NFIB: variants seen among roughly 807,000 people sequenced by gnomAD.
NFIB encodes the protein nuclear factor 1 B-type.
In NFIB, 11 loss-of-function variants were observed where a neutral mutation model predicts 61.5. The ratio of observed to expected loss-of-function variants is 0.18; its 90% CI spans 0.11 to 0.30. The LOEUF is 0.30. NFIB is among the 10% of genes least tolerant of loss of function. The probability of loss-of-function intolerance (pLI) is 1.00; values close to 1 mark genes in which losing one functional copy is unlikely to be tolerated. For synonymous variants in NFIB, 260 were observed against 216.5 expected, an observed-to-expected ratio of 1.20 and a Z score of -1.76; for missense variants, 471 against 608.9, an observed-to-expected ratio of 0.77 and a Z score of 2.38.
chr9:14,315,732 G>T (rs1220123612), upstream of NFIB, among the ~76,000 whole-genome samples: 1 of 151,304 alleles, frequency 6.6e-6, no homozygotes, highest in African/African-American at 2.4e-5. Flanking sequence ...CACCCTTTCT[G>T]CACCCCCCGC....
At chr9:14,152,119 T>C (rs917411727) in intron 4 of NFIB, among the ~76,000 whole-genome samples, 3 of 152,014 alleles carry the variant, frequency 2.0e-5, no homozygotes, top group African/African-American at 4.8e-5. Flanking sequence ...ACAATGAACA[T>C]CTCCCTTTCT....
intron 1 of NFIB, chr9:14,361,962 G>A (rs943317482): frequency 1.3e-5 from 2 of 152,152 alleles, no homozygotes; most frequent in African/African-American, 2.4e-5. Flanking sequence ...CCTTAAAGCT[G>A]AAACAAAACT....
At chr9:14,151,960 C>T (rs953712728) in intron 4 of NFIB, among the ~76,000 whole-genome samples, 14 of 152,062 alleles carry the variant, frequency 9.2e-5, no homozygotes, top group Middle Eastern at 3.4e-3. Flanking sequence ...AGTTTTCTTA[C>T]CCCTCATTTT....
intron 2 of NFIB, among the ~76,000 whole-genome samples, chr9:14,192,001 C>G (rs1298038322): frequency 6.6e-6 from 1 of 152,104 alleles, no homozygotes; most frequent in Non-Finnish European, 1.5e-5. Flanking sequence ...TGCTTGGTTA[C>G]AAGACCAGTT....
chr9:14,443,391 G>C, the NFIB span, among the ~76,000 whole-genome samples: 1 of 152,104 alleles, frequency 6.6e-6, no homozygotes, highest in African/African-American at 2.4e-5. Context: ...TTCACTGACT[G>C]TCTCATAGGC....
At chr9:14,486,712 C>T in the NFIB span, among the ~76,000 whole-genome samples, 1 of 151,916 alleles carries the variant, frequency 6.6e-6, no homozygotes, top group Non-Finnish European at 1.5e-5. Flanking sequence ...CACACACACA[C>T]ACATACACAC....
At position 14,088,148 on chromosome 9, in the gene NFIB, T is replaced by C. The variant is rs2033153256; in HGVS notation, c.*161A>G. 1.4e-6 allele frequency: 2 copies of C among 1,407,990 alleles called. No individual in the cohort carries two copies. Among genetic ancestry groups the C allele is most frequent in the East Asian group, 5.2e-5 (2 of 38,306 alleles). The allele number at this position is 1,407,990 out of a possible 1,614,324, so 87.2% of individuals were successfully genotyped here. A position where few individuals can be genotyped will look rare whatever the true frequency, so the allele number is the denominator to read the frequency against. ...TCCAGTCTTCCTCTTTTCCTTTTTTTTTATTTAAAAAAAAAATTTCTTAAA... is the reference window on the plus strand; with the variant it reads ...TCCAGTCTTCCTCTTTTCCTTTTTTCTTATTTAAAAAAAAAATTTCTTAAA... On this transcript the variant is annotated 3_prime_UTR_variant, in exon 11 of 11. Coordinates refer to ENST00000380953, the MANE Select transcript of NFIB (RefSeq NM_001190737.2).
chr9:14,314,576 C>T (rs2060450441), upstream of NFIB: 2 of 152,034 alleles, frequency 1.3e-5, no homozygotes, highest in African/African-American at 2.4e-5. Context: ...CTCTGGACCC[C>T]GCTCGAGCTC....
chr9:14,480,028 G>GT, the NFIB span, among the ~76,000 whole-genome samples: 11,689 of 151,086 alleles, frequency 0.077, 527 homozygotes, highest in Admixed American at 0.12. Context: ...AGACAGAAAG[G>GT]TTTTTTTTTG....
chr9:14,229,549 A>C (rs947534628), intron 2 of NFIB, among the ~76,000 whole-genome samples: 1 of 152,238 alleles, frequency 6.6e-6, no homozygotes. Context: ...ATGTATGTAA[A>C]GTTTGTGGCA....
At chr9:14,280,489 C>G (rs2058299605) in intron 2 of NFIB, among the ~76,000 whole-genome samples, 1 of 152,196 alleles carries the variant, frequency 6.6e-6, no homozygotes, top group Non-Finnish European at 1.5e-5. Context: ...TAACCCTACA[C>G]TCACACTTTA....
At chr9:14,272,705 A>AG (rs2057717262) in intron 2 of NFIB, among the ~76,000 whole-genome samples, 1 of 150,514 alleles carries the variant, frequency 6.6e-6, no homozygotes, top group Admixed American at 6.6e-5. Flanking sequence ...AAAAAAAAAA[A>AG]AAAAAAAAAA....
chr9:14,342,604 A>G (rs551540176), intron 1 of NFIB, among the ~76,000 whole-genome samples: 1 of 152,316 alleles, frequency 6.6e-6, no homozygotes, highest in Admixed American at 6.5e-5. Flanking sequence ...CATATATGCA[A>G]TGCCACTTAG....
At chr9:14,302,994 C>T (rs1430695137) in intron 2 of NFIB, among the ~76,000 whole-genome samples, 1 of 152,192 alleles carries the variant, frequency 6.6e-6, no homozygotes, top group East Asian at 1.9e-4. Context: ...AAATTGTGCA[C>T]TGAGAATTTC....
intron 3 of NFIB, among the ~76,000 whole-genome samples, chr9:14,156,279 C>T (rs2043393938): frequency 6.6e-6 from 1 of 152,140 alleles, no homozygotes. Context: ...ACAATTAGCA[C>T]CTTGCTGGAA....
chr9:14,359,678 T>C (rs893049675), intron 1 of NFIB, among the ~76,000 whole-genome samples: 1 of 152,032 alleles, frequency 6.6e-6, no homozygotes, highest in African/African-American at 2.4e-5. Context: ...GCAGCACTAG[T>C]GTATGGTTGA....
the NFIB span, among the ~76,000 whole-genome samples, chr9:14,514,779 C>T: frequency 6.6e-6 from 1 of 151,914 alleles, no homozygotes; most frequent in African/African-American, 2.4e-5. Context: ...GTGAGCAGCC[C>T]AAAAGCTGGC....
chr9:14,213,561 G>A (rs1000854145), intron 2 of NFIB, among the ~76,000 whole-genome samples: 6 of 152,200 alleles, frequency 3.9e-5, no homozygotes, highest in Non-Finnish European at 7.3e-5. Context: ...GCTGCTGGTC[G>A]TGGGACCAAA....
chr9:14,179,202 T>C (rs2046484538), intron 3 of NFIB, among the ~76,000 whole-genome samples: 1 of 151,920 alleles, frequency 6.6e-6, no homozygotes, highest in African/African-American at 2.4e-5. Context: ...GGATACCTTA[T>C]GCTAAAGAAA....
Sources: allele counts gnomAD v4.1 joint callset (sites outside exome capture counted in the v4.1 genomes callset), GRCh38; gene constraint gnomAD v4.1.1; transcripts MANE v1.5; gene names NCBI Gene and HGNC (gene_info 2026-07-23, HGNC 2026-07-21).